LIN54: variants seen among roughly 807,000 people sequenced by gnomAD.
The protein encoded by LIN54 is protein lin-54 homolog.
Under a neutral mutation model 78.7 loss-of-function variants are expected in LIN54, and 9 were observed. The ratio of observed to expected loss-of-function variants is 0.11; its 90% CI spans 0.07 to 0.20. LIN54 has a LOEUF of 0.20. LIN54 is among the 10% of genes least tolerant of loss of function. The pLI is 1.00. For missense variants in LIN54, 573 were observed against 889.9 expected (o/e 0.64, Z 4.53); for synonymous variants, 269 against 318.4 (o/e 0.84, Z 1.65).
intron 1 of LIN54, among the ~76,000 whole-genome samples, chr4:82,992,984 C>G (rs1426910047): frequency 1.3e-5 from 2 of 148,786 alleles, no homozygotes; most frequent in East Asian, 4.1e-4. Flanking sequence ...GCTGAGATCA[C>G]GCCACTGCAC....
chr4:82,949,035 G>C (rs918200319), intron 4 of LIN54, among the ~76,000 whole-genome samples: 1 of 152,180 alleles, frequency 6.6e-6, no homozygotes, highest in Admixed American at 6.5e-5. Context: ...ATTCCCAGAA[G>C]AGGGATTGCT....
chr4:82,945,582 C>CT (rs1723289100), intron 5 of LIN54, among the ~76,000 whole-genome samples: 2 of 152,100 alleles, frequency 1.3e-5, no homozygotes. Flanking sequence ...CAACCTCCAT[C>CT]TCCCAGGTTC....
intron 3 of LIN54, among the ~76,000 whole-genome samples, chr4:82,971,456 T>G (rs1294670538): frequency 6.6e-6 from 1 of 152,088 alleles, no homozygotes; most frequent in Non-Finnish European, 1.5e-5. Context: ...TGTCCCTGAG[T>G]TGCTATGAAG....
upstream of LIN54, among the ~76,000 whole-genome samples, chr4:83,011,231 T>C (rs1466828923): frequency 6.6e-6 from 1 of 152,216 alleles, no homozygotes; most frequent in Non-Finnish European, 1.5e-5. Flanking sequence ...TTTGACATTT[T>C]ACCCCACCCG....
intron 1 of LIN54, among the ~76,000 whole-genome samples, chr4:83,006,465 A>T (rs1298517079): frequency 1.4e-5 from 2 of 146,138 alleles, no homozygotes; most frequent in Non-Finnish European, 3.0e-5. Context: ...AAAAAAAAAG[A>T]AAAAAAAAAA....
chr4:82,969,521 A>C (rs1177945833), intron 4 of LIN54, among the ~76,000 whole-genome samples: 1 of 152,234 alleles, frequency 6.6e-6, no homozygotes, highest in Non-Finnish European at 1.5e-5. Flanking sequence ...GAGATAACAT[A>C]TTTGTACATT....
intron 3 of LIN54, among the ~76,000 whole-genome samples, chr4:82,976,730 A>T (rs1346233073): frequency 6.6e-6 from 1 of 152,204 alleles, no homozygotes; most frequent in East Asian, 1.9e-4. Context: ...AGCTGCATGG[A>T]AAAAGACTGC....
At chr4:82,939,767 C>T (rs773704975) in intron 6 of LIN54, 31 bp from the exon 7 acceptor site, 33 of 1,612,122 alleles carry the variant, frequency 2.0e-5, no homozygotes, top group Middle Eastern at 3.3e-4. Context: ...TCAATGACCA[C>T]AAAATAAATT....
chr4:82,961,710 T>C (rs1399233846), intron 4 of LIN54, among the ~76,000 whole-genome samples: 1 of 152,182 alleles, frequency 6.6e-6, no homozygotes, highest in African/African-American at 2.4e-5. Flanking sequence ...ATCCCAGCAC[T>C]GACAGGCTGA....
In LIN54 at chr4:82,984,652, G is replaced by A; in HGVS notation, c.193C>T (p.Pro65Ser). Residue 65 changes from proline to serine, a missense_variant, in exon 2 of 13, where the codon CCA becomes TCA. Coordinates refer to ENST00000340417, the MANE Select transcript of LIN54 (RefSeq NM_194282.4). Reference sequence around the variant, plus strand: ...GTGTGGTTACTGTACACTGTGATTGGTTCCGTGGAAATGGGCGTGGCTGTA... The same window carrying A: ...GTGTGGTTACTGTACACTGTGATTGATTCCGTGGAAATGGGCGTGGCTGTA... ...DSTATPISTE[P>S]ITVYSNHTNQ... The A allele has an allele frequency of 6.2e-7, 1 of 1,614,122 alleles. No homozygotes were observed. Among genetic ancestry groups the A allele is most frequent in the Non-Finnish European group, 8.5e-7 (1 of 1,180,006 alleles).
intron 1 of LIN54, among the ~76,000 whole-genome samples, chr4:82,989,411 T>C (rs1727472414): frequency 6.6e-6 from 1 of 152,078 alleles, no homozygotes; most frequent in Non-Finnish European, 1.5e-5. Context: ...ACATCAAATA[T>C]ACATCAGCAA....
At chr4:82,983,111 G>T (rs929711373) in intron 2 of LIN54, among the ~76,000 whole-genome samples, 1 of 150,362 alleles carries the variant, frequency 6.7e-6, no homozygotes. Flanking sequence ...GGGTTCAACC[G>T]ATTCTCCTGT....
intron 1 of LIN54, among the ~76,000 whole-genome samples, chr4:83,003,167 C>T (rs1729013363): frequency 6.6e-6 from 1 of 152,144 alleles, no homozygotes; most frequent in Admixed American, 6.5e-5. Context: ...ACGTGTGCCA[C>T]CACGCTTGGC....
chr4:82,995,903 T>C (rs1728179822), intron 1 of LIN54, among the ~76,000 whole-genome samples: 1 of 151,362 alleles, frequency 6.6e-6, no homozygotes, highest in South Asian at 2.1e-4. Context: ...CCCAGCACTT[T>C]GGGAGGCCAA....
At chr4:82,933,237 T>A (rs995798837) in intron 11 of LIN54, among the ~76,000 whole-genome samples, 81 of 148,860 alleles carry the variant, frequency 5.4e-4, no homozygotes, top group East Asian at 2.3e-3. Context: ...AATTTAGATT[T>A]TATATATATA....
At chr4:82,932,197 C>T (rs1371405752) in intron 11 of LIN54, among the ~76,000 whole-genome samples, 1 of 150,774 alleles carries the variant, frequency 6.6e-6, no homozygotes, top group Non-Finnish European at 1.5e-5. Flanking sequence ...CAGGTTCACG[C>T]CATTCTCTTG....
intron 2 of LIN54, among the ~76,000 whole-genome samples, chr4:82,981,423 A>G (rs992263915): frequency 1.3e-5 from 2 of 152,090 alleles, no homozygotes; most frequent in African/African-American, 4.8e-5. Flanking sequence ...GTTGCCTGCT[A>G]TCTATACCCT....
chr4:83,004,459 C>A (rs1578668697), intron 1 of LIN54, among the ~76,000 whole-genome samples: 1 of 145,274 alleles, frequency 6.9e-6, no homozygotes, highest in East Asian at 1.9e-4. Flanking sequence ...TGCGCTAGGA[C>A]AGACCCTAGT....
At chr4:82,942,337 A>G (rs1382737776) in intron 5 of LIN54, among the ~76,000 whole-genome samples, 1 of 152,168 alleles carries the variant, frequency 6.6e-6, no homozygotes. Context: ...TGGTTGCATA[A>G]TTTTGTGAAT....
Sources: gnomAD v4.1 joint callset for allele counts (sites outside exome capture counted in the v4.1 genomes callset) on GRCh38, gnomAD v4.1.1 for gene constraint, MANE v1.5 for transcripts, NCBI Gene and HGNC (gene_info 2026-07-23, HGNC 2026-07-21) for gene names.